CMPK1: variants seen among roughly 807,000 people sequenced by gnomAD.
CMPK1 encodes UMP-CMP kinase.
In CMPK1, 10 loss-of-function variants were observed where a neutral mutation model predicts 25.7. The ratio of observed to expected loss-of-function variants is 0.39; its 90% CI spans 0.24 to 0.66. The LOEUF (loss-of-function observed/expected upper bound fraction) is 0.66. CMPK1 is among the 30% of genes least tolerant of loss of function. CMPK1 has a pLI of 0.48. For missense variants in CMPK1, 199 were observed against 280.5 expected (o/e 0.71, Z 2.08); for synonymous variants, 106 against 101.5 (o/e 1.04, Z -0.27).
chr1:47,366,208 G>A (rs1646638921), intron 1 of CMPK1, among the ~76,000 whole-genome samples: 1 of 152,220 alleles, frequency 6.6e-6, no homozygotes, highest in African/African-American at 2.4e-5. Context: ...AAAAAGCCAC[G>A]ATTTTTAGTT....
rs370728568 is a variant in CMPK1 at position 47,377,765 on chromosome 1, A to G, written c.*1020A>G. On this transcript the variant is annotated 3_prime_UTR_variant, in exon 6 of 6. Coordinates refer to ENST00000371873, the MANE Select transcript of CMPK1 (RefSeq NM_016308.3). Reference sequence around the variant, plus strand: ...CACTTTGGTCAGAAAAATAATAAATATATCTTATAAATGTTTGATTCCCTT... The same window carrying G: ...CACTTTGGTCAGAAAAATAATAAATGTATCTTATAAATGTTTGATTCCCTT... 5 of 152,744 alleles carry G rather than the reference A, an allele frequency of 3.3e-5. No individual in the cohort carries two copies. Among genetic ancestry groups the G allele is most frequent in the South Asian group, 4.1e-4 (2 of 4,826 alleles). 9.5% of individuals were successfully genotyped at this position (152,744 alleles called of 1,614,324 possible).
At position 47,352,727 on chromosome 1, in the gene CMPK1, G is replaced by A. The variant is rs541930673; in HGVS notation, c.172-15742G>A. On this transcript the variant is annotated intron_variant, in intron 1 of 5. Transcript: ENST00000371873. Reference sequence around the variant, plus strand: ...TTTCCATAAGATTACCACTTCTTAGGTCATTTTCCTTGATGAAGTTAGGCT... The same window carrying A: ...TTTCCATAAGATTACCACTTCTTAGATCATTTTCCTTGATGAAGTTAGGCT... 2.0e-5 allele frequency among the ~76,000 whole-genome samples: 3 copies of A among 152,144 alleles called. No homozygotes were observed. The South Asian group carries it at 6.2e-4, about 32-fold the overall frequency.
chr1:47,362,596 G>A (rs1418147703), intron 1 of CMPK1, among the ~76,000 whole-genome samples: 2 of 152,190 alleles, frequency 1.3e-5, no homozygotes, highest in Admixed American at 6.6e-5. Context: ...GGGATTACAG[G>A]CACATGCCAC....
At chr1:47,372,905 A>C (rs756142995) in intron 2 of CMPK1, 50 bp from the exon 3 acceptor site, 1 of 1,509,464 alleles carries the variant, frequency 6.6e-7, no homozygotes, top group Non-Finnish European at 8.9e-7. Flanking sequence ...TGCTTGAGAA[A>C]TTTCATTTTG....
chr1:47,360,451 T>C (rs759261543), intron 1 of CMPK1, among the ~76,000 whole-genome samples: 4 of 152,316 alleles, frequency 2.6e-5, no homozygotes, highest in Non-Finnish European at 5.9e-5. Flanking sequence ...AGGCCTTACA[T>C]AGATGAGGAA....
chr1:47,349,670 A>G (rs948866543), intron 1 of CMPK1, among the ~76,000 whole-genome samples: 9 of 152,214 alleles, frequency 5.9e-5, no homozygotes, highest in African/African-American at 2.2e-4. Context: ...GCTTTTTGAA[A>G]TGTAACAGTT....
intron 1 of CMPK1, among the ~76,000 whole-genome samples, chr1:47,340,928 T>A (rs1039624977): frequency 4.6e-5 from 7 of 152,180 alleles, no homozygotes; most frequent in Admixed American, 1.3e-4. Flanking sequence ...TGATCTACCA[T>A]GCCTGGCAAA....
rs1474078115 is a variant in CMPK1, at chr1:47,341,589, G to A, written c.171+7473G>A. Reference sequence around the variant, plus strand: ...TCATTAGGTATTTCTTTATAGCAGTGTGAGAATGGACTAATAGAGTCTACT... The same window carrying A: ...TCATTAGGTATTTCTTTATAGCAGTATGAGAATGGACTAATAGAGTCTACT... On this transcript the variant is annotated intron_variant, in intron 1 of 5. Transcript: ENST00000371873. Among the ~76,000 whole-genome samples, 5 of 151,892 alleles carry A rather than the reference G, an allele frequency of 3.3e-5. 1 individual carries two copies. The highest frequency in any genetic ancestry group is 3.3e-4 in the Admixed American group (5 of 15,212).
chr1:47,359,550 G>C (rs1646587740), intron 1 of CMPK1, among the ~76,000 whole-genome samples: 1 of 151,196 alleles, frequency 6.6e-6, no homozygotes, highest in Admixed American at 6.6e-5. Flanking sequence ...ACCACGCCTG[G>C]CTAATTTTTT....
rs1364874825 is a variant in CMPK1, at chr1:47,368,548, T to G, written c.251T>G (p.Leu84Arg). ...AACCCAGATTCACAGTATGGTGAAC[T>G]TATTGAAAAGTACATTAAAGAAGGA... ...RKNPDSQYGE[L>R]IEKYIKEGKI... Residue 84 changes from leucine (L) to arginine (R), a missense_variant, in exon 2 of 6, where the codon CTT becomes CGT. By Grantham distance (102) the Leu-to-Arg change is moderately radical. Transcript: ENST00000371873. 6 of 1,612,640 alleles carry G rather than the reference T, an allele frequency of 3.7e-6. No individual in the cohort carries two copies. Among genetic ancestry groups the G allele is most frequent in the African/African-American group, 1.3e-5 (1 of 74,896 alleles).
chr1:47,348,676 A>G (rs1646501960), intron 1 of CMPK1, among the ~76,000 whole-genome samples: 1 of 152,182 alleles, frequency 6.6e-6, no homozygotes, highest in Non-Finnish European at 1.5e-5. Flanking sequence ...TCCTATGTCA[A>G]CAAGCAATTG....
At chr1:47,346,611 G>A (rs894952652) in intron 1 of CMPK1, among the ~76,000 whole-genome samples, 3 of 150,872 alleles carry the variant, frequency 2.0e-5, no homozygotes, top group African/African-American at 7.3e-5. Context: ...TCAAGCAATT[G>A]TCCTGCCTCA....
intron 2 of CMPK1, among the ~76,000 whole-genome samples, chr1:47,372,319 G>T (rs2820984): frequency 6.6e-6 from 1 of 152,136 alleles, no homozygotes; most frequent in Admixed American, 6.5e-5. Context: ...TTCTTTTGTT[G>T]CCTTTGTTTT....
At chr1:47,358,188 T>G in intron 1 of CMPK1, 2 of 420,150 alleles carry the variant, frequency 4.8e-6, no homozygotes, top group Non-Finnish European at 9.4e-6. Context: ...TATAGCTTAC[T>G]GCCGCCTCTA....
chr1:47,339,063 T>A (rs900964193), intron 1 of CMPK1, among the ~76,000 whole-genome samples: 4 of 151,492 alleles, frequency 2.6e-5, no homozygotes, highest in South Asian at 2.1e-4. Context: ...TTTTTTTTTT[T>A]GAGAGAGGGT....
At chr1:47,340,060 C>CCCCTTT (rs1311234841) in intron 1 of CMPK1, among the ~76,000 whole-genome samples, 1 of 86,584 alleles carries the variant, frequency 1.2e-5, no homozygotes, top group African/African-American at 6.0e-5. Flanking sequence ...CCCCTCCCCT[C>CCCCTTT]CCCTTTCCCT....
intron 1 of CMPK1, among the ~76,000 whole-genome samples, chr1:47,352,342 A>C (rs1425580912): frequency 1.3e-5 from 2 of 152,080 alleles, no homozygotes; most frequent in Non-Finnish European, 2.9e-5. Flanking sequence ...TTTTGAGGAG[A>C]TCTTACATCT....
Position 47,362,169 on chromosome 1 carries a change from C to CTTT in CMPK1, c.172-6286_172-6284dup, listed in dbSNP as rs10639560. ...ATAGGCGTGAGCCACAGCACCCGGC[C>CTTT]TTTTTTTTTTTTTTTTCGAGACGGA... On this transcript the variant is annotated intron_variant, in intron 1 of 5. Transcript: ENST00000371873. 1.5e-3 allele frequency among the ~76,000 whole-genome samples: 185 copies of CTTT among 121,286 alleles called. 6 individuals are homozygous for CTTT. Among genetic ancestry groups the CTTT allele is most frequent in the African/African-American group, 4.1e-3 (128 of 30,932 alleles). The allele number at this position is 121,286 out of a possible 152,430, so 79.6% of individuals were successfully genotyped here.
chr1:47,351,925 CA>C (rs1442915699), intron 1 of CMPK1, among the ~76,000 whole-genome samples: 1 of 151,916 alleles, frequency 6.6e-6, no homozygotes, highest in African/African-American at 2.4e-5. Context: ...CATTTGAGGT[CA>C]GGAGTTGATG....
Sources: allele counts gnomAD v4.1 joint callset (sites outside exome capture counted in the v4.1 genomes callset), GRCh38; gene constraint gnomAD v4.1.1; transcripts MANE v1.5; gene names NCBI Gene and HGNC (gene_info 2026-07-23, HGNC 2026-07-21).